Variants in GRIK2 observed in about 807,000 individuals in gnomAD.
GRIK2 encodes the protein glutamate receptor ionotropic, kainate 2.
A neutral mutation model predicts 100.3 loss-of-function variants in GRIK2; 32 were observed. That is an observed-to-expected ratio of 0.32 (90% CI 0.24 to 0.43). GRIK2 has a LOEUF of 0.43. Among genes scored for constraint, GRIK2 ranks in the 20% least tolerant of loss-of-function variants. GRIK2 has a pLI of 1.00. For missense variants in GRIK2, 843 were observed against 1,114.9 expected (o/e 0.76, Z 3.47); for synonymous variants, 417 against 389.4 (o/e 1.07, Z -0.83).
intron 10 of GRIK2, among the ~76,000 whole-genome samples, chr6:101,856,691 G>C (rs1784442036): frequency 6.6e-6 from 1 of 152,108 alleles, no homozygotes; most frequent in Non-Finnish European, 1.5e-5. Flanking sequence ...TCACTGAATT[G>C]GGGGTCTTTA....
chr6:101,941,765 A>G (rs936868187), intron 14 of GRIK2, among the ~76,000 whole-genome samples: 2 of 152,298 alleles, frequency 1.3e-5, no homozygotes, highest in Admixed American at 6.5e-5. Context: ...TAATTAATCA[A>G]CTAAAAAATT....
At chr6:102,061,548 C>A (rs1270568602) in intron 16 of GRIK2, among the ~76,000 whole-genome samples, 1 of 150,396 alleles carries the variant, frequency 6.6e-6, no homozygotes, top group Non-Finnish European at 1.5e-5. Context: ...GGGCTTTGGT[C>A]ATAAGCAGCC....
chr6:101,701,526 C>G (rs766286094), intron 7 of GRIK2, among the ~76,000 whole-genome samples: 8 of 151,908 alleles, frequency 5.3e-5, no homozygotes, highest in Non-Finnish European at 1.0e-4. Flanking sequence ...AATTTTTTTA[C>G]TAAATCAAAA....
At chr6:101,993,952 A>G (rs1303518245) in intron 14 of GRIK2, 2 of 146,446 alleles carry the variant, frequency 1.4e-5, no homozygotes, top group East Asian at 4.6e-4. Flanking sequence ...CATTATAAAC[A>G]AATGTATATA....
chr6:101,912,823 A>G (rs1195706662), intron 12 of GRIK2, among the ~76,000 whole-genome samples: 1 of 151,582 alleles, frequency 6.6e-6, no homozygotes, highest in Admixed American at 6.6e-5. Flanking sequence ...GGTAGTGTTT[A>G]CAAACCAGTC....
chr6:101,463,709 C>T (rs928986986), intron 2 of GRIK2, among the ~76,000 whole-genome samples: 2 of 152,070 alleles, frequency 1.3e-5, no homozygotes, highest in South Asian at 2.1e-4. Flanking sequence ...GACTCCAGGG[C>T]TCTAATATCT....
At chr6:101,757,596 G>T (rs1428770698) in intron 7 of GRIK2, among the ~76,000 whole-genome samples, 1 of 152,040 alleles carries the variant, frequency 6.6e-6, no homozygotes, top group African/African-American at 2.4e-5. Context: ...AGGTTCAAAG[G>T]GGATGAGCGA....
intron 14 of GRIK2, among the ~76,000 whole-genome samples, chr6:101,934,351 G>T (rs1790486199): frequency 6.6e-6 from 1 of 151,836 alleles, no homozygotes; most frequent in Admixed American, 6.6e-5. Context: ...CAGCATTGGG[G>T]CAGATACAGC....
chr6:101,448,191 A>G (rs537526648), intron 2 of GRIK2, among the ~76,000 whole-genome samples: 10 of 151,840 alleles, frequency 6.6e-5, no homozygotes, highest in Admixed American at 2.0e-4. Flanking sequence ...TTTCTTAACA[A>G]GAGTTTGGAC....
intron 2 of GRIK2, among the ~76,000 whole-genome samples, chr6:101,405,445 A>G (rs1775544471): frequency 6.6e-6 from 1 of 152,000 alleles, no homozygotes; most frequent in Non-Finnish European, 1.5e-5. Flanking sequence ...TAAATTCTCT[A>G]TGTTCTATAA....
intron 2 of GRIK2, among the ~76,000 whole-genome samples, chr6:101,565,926 T>A (rs1462648075): frequency 5.3e-5 from 5 of 93,874 alleles, no homozygotes; most frequent in Non-Finnish European, 1.1e-4. Flanking sequence ...TATATATATA[T>A]ATATATGTGT....
chr6:101,592,972 C>A (rs1454043657), intron 2 of GRIK2, among the ~76,000 whole-genome samples: 1 of 151,720 alleles, frequency 6.6e-6, no homozygotes, highest in Non-Finnish European at 1.5e-5. Context: ...AAACAAATTA[C>A]CAGATTAATG....
At chr6:101,888,675 C>T (rs1486913911) in intron 11 of GRIK2, among the ~76,000 whole-genome samples, 4 of 152,024 alleles carry the variant, frequency 2.6e-5, no homozygotes, top group African/African-American at 7.2e-5. Context: ...TAAGTTTCTT[C>T]GTTAAGTCCT....
At chr6:101,805,449 A>T (rs1298378163) in intron 9 of GRIK2, among the ~76,000 whole-genome samples, 1 of 152,056 alleles carries the variant, frequency 6.6e-6, no homozygotes, top group Admixed American at 6.6e-5. Flanking sequence ...TTAAAATTTA[A>T]CAATTATGTT....
At chr6:101,430,383 A>T (rs547778534) in intron 2 of GRIK2, 1 of 185,122 alleles carries the variant, frequency 5.4e-6, no homozygotes. Context: ...CCATGCAGCA[A>T]ATGCTACACA....
At chr6:101,861,928 C>T (rs1009789437) in intron 11 of GRIK2, among the ~76,000 whole-genome samples, 4 of 152,044 alleles carry the variant, frequency 2.6e-5, no homozygotes, top group Non-Finnish European at 4.4e-5. Context: ...GCTTATATTA[C>T]TATCTTGAGG....
chr6:101,897,910 T>C (rs1419693423), intron 12 of GRIK2, among the ~76,000 whole-genome samples: 1 of 151,860 alleles, frequency 6.6e-6, no homozygotes, highest in Non-Finnish European at 1.5e-5. Flanking sequence ...GTCCTTTTGC[T>C]GTAAATTATT....
chr6:101,631,743 C>A (rs1421069126), intron 4 of GRIK2, among the ~76,000 whole-genome samples: 2 of 152,078 alleles, frequency 1.3e-5, no homozygotes, highest in Non-Finnish European at 2.9e-5. Context: ...TTCCTACCCC[C>A]TACCACTTCT....
At chr6:101,655,195 A>C (rs1447040376) in intron 4 of GRIK2, among the ~76,000 whole-genome samples, 1 of 152,210 alleles carries the variant, frequency 6.6e-6, no homozygotes, top group African/African-American at 2.4e-5. Context: ...AGATTAAATC[A>C]CATGTGTAAA....
Sources: gnomAD v4.1 joint callset for allele counts (sites outside exome capture counted in the v4.1 genomes callset) on GRCh38, gnomAD v4.1.1 for gene constraint, MANE v1.5 for transcripts, NCBI Gene and HGNC (gene_info 2026-07-23, HGNC 2026-07-21) for gene names.